The following PLCL1 variants were observed in gnomAD, a reference collection of about 807,000 sequenced individuals.
The protein encoded by PLCL1 is phospholipase C like 1 (inactive).
In PLCL1, 41 loss-of-function variants were observed where a neutral mutation model predicts 84.4. The ratio of observed to expected loss-of-function variants is 0.49; its 90% CI spans 0.38 to 0.63. The LOEUF is 0.63. Ranked by LOEUF, PLCL1 falls within the 30% of genes least tolerant of loss-of-function variation. The pLI is 0.00. For missense variants in PLCL1, 1,206 were observed against 1,367.8 expected (o/e 0.88, Z 1.87); for synonymous variants, 490 against 488.3 (o/e 1.00, Z -0.05).
chr2:198,057,234 T>C (rs961657010), intron 1 of PLCL1, among the ~76,000 whole-genome samples: 1 of 152,112 alleles, frequency 6.6e-6, no homozygotes, highest in Non-Finnish European at 1.5e-5. Flanking sequence ...GAACTTATTT[T>C]ATAATGGAGA....
intron 1 of PLCL1, among the ~76,000 whole-genome samples, chr2:197,960,206 C>A (rs1015938282): frequency 6.6e-6 from 1 of 152,006 alleles, no homozygotes; most frequent in Non-Finnish European, 1.5e-5. Context: ...AAATTGTGAG[C>A]TGCCTTCTTC....
chr2:198,128,568 A>G (rs1694046819), intron 5 of PLCL1, among the ~76,000 whole-genome samples: 1 of 152,130 alleles, frequency 6.6e-6, no homozygotes, highest in South Asian at 2.1e-4. Flanking sequence ...AGATGGGCCA[A>G]TTTCTTGATA....
rs938401540 is a variant in PLCL1 at position 198,084,611 on chromosome 2, A to T, written c.1094A>T (p.Glu365Val). The T allele has an allele frequency of 1.1e-5, 18 of 1,614,072 alleles. No homozygotes were observed. Among genetic ancestry groups the T allele is most frequent in the Non-Finnish European group, 1.4e-5 (17 of 1,179,910 alleles). Residue 365 changes from glutamate to valine, a missense_variant, in exon 2 of 6, where the codon GAG becomes GTG. Transcript: ENST00000428675. Reference sequence around the variant, plus strand: ...ATAAGGAGATACGAACTTTCTGAAGAGGGACGTCAAAAAGGGTTTCTTGCA... The same window carrying T: ...ATAAGGAGATACGAACTTTCTGAAGTGGGACGTCAAAAAGGGTTTCTTGCA... Reference protein sequence around the residue: ...DIIRRYELSEEGRQKGFLAID... With the variant: ...DIIRRYELSEVGRQKGFLAID...
rs55930007 is a variant in PLCL1 at position 198,147,203 on chromosome 2, AGTGTGT to A, written c.*267_*272del. On this transcript the variant is annotated 3_prime_UTR_variant, in exon 6 of 6. Transcript: ENST00000428675. ...ACCCCTGTGTGGATGCCTGTGGAAG[AGTGTGT>A]GTGTGTGTGTGTGTGTGTGTGTGTG... 75 of 187,720 alleles carry A rather than the reference AGTGTGT, an allele frequency of 4.0e-4. 1 individual carries two copies. The highest frequency in any genetic ancestry group is 1.5e-3 in the African/African-American group (64 of 41,400). 11.6% of individuals were successfully genotyped at this position (187,720 alleles called of 1,614,324 possible). A position where few individuals can be genotyped will look rare whatever the true frequency, so the allele number is the denominator to read the frequency against.
At chr2:198,000,738 C>CT (rs1690579358) in intron 1 of PLCL1, among the ~76,000 whole-genome samples, 1 of 142,682 alleles carries the variant, frequency 7.0e-6, no homozygotes, top group African/African-American at 2.5e-5. Context: ...ACTTTATTTC[C>CT]CTTTTTTTTT....
intron 1 of PLCL1, among the ~76,000 whole-genome samples, chr2:198,019,498 A>G (rs1162231267): frequency 6.6e-6 from 1 of 151,754 alleles, no homozygotes; most frequent in East Asian, 2.0e-4. Context: ...ATAAAAGGTT[A>G]GAGGAATTGC....
chr2:198,131,345 C>T (rs974633234), intron 5 of PLCL1, among the ~76,000 whole-genome samples: 12 of 152,282 alleles, frequency 7.9e-5, no homozygotes, highest in Admixed American at 2.0e-4. Context: ...TATCCCTGTA[C>T]GTATTCCCAC....
chr2:197,864,815 T>G (rs1687498431), intron 1 of PLCL1, among the ~76,000 whole-genome samples: 3 of 152,184 alleles, frequency 2.0e-5, no homozygotes, highest in African/African-American at 7.2e-5. Flanking sequence ...CCGGACACAT[T>G]TTTATACAGT....
intron 1 of PLCL1, among the ~76,000 whole-genome samples, chr2:198,066,685 C>G (rs889096107): frequency 9.9e-5 from 15 of 152,144 alleles, no homozygotes; most frequent in Admixed American, 1.3e-4. Flanking sequence ...TTTACAGCCC[C>G]CTGCCACAGC....
chr2:198,094,804 T>A (rs544398061), intron 3 of PLCL1, among the ~76,000 whole-genome samples: 6 of 152,170 alleles, frequency 3.9e-5, no homozygotes, highest in Non-Finnish European at 7.4e-5. Flanking sequence ...AGAATTGCAA[T>A]TTGCTTACGG....
intron 1 of PLCL1, among the ~76,000 whole-genome samples, chr2:197,987,556 T>C (rs1371987930): frequency 2.6e-5 from 4 of 152,200 alleles, no homozygotes; most frequent in Non-Finnish European, 5.9e-5. Flanking sequence ...TAGACTAGGA[T>C]ACTCATTTTG....
chr2:197,936,063 C>T (rs562759433), intron 1 of PLCL1, among the ~76,000 whole-genome samples: 1 of 151,872 alleles, frequency 6.6e-6, no homozygotes, highest in African/African-American at 2.4e-5. Flanking sequence ...CATGTTGTCA[C>T]AAATGACAGG....
In PLCL1 at chr2:198,036,650, C is replaced by T. The variant is rs184244213; in HGVS notation, c.241-47108C>T. Among the ~76,000 whole-genome samples, 124 of 152,032 alleles carry T rather than the reference C, an allele frequency of 8.2e-4. 1 individual carries two copies. Among genetic ancestry groups the T allele is most frequent in the Non-Finnish European group, 7.4e-5 (5 of 67,984 alleles). ...CTAAGCTGATTTGGTCATTCATAGCCCTTAGTGGTTTTTTCCTCCATGGTT... is the reference window on the plus strand; with the variant it reads ...CTAAGCTGATTTGGTCATTCATAGCTCTTAGTGGTTTTTTCCTCCATGGTT... On this transcript the variant is annotated intron_variant, in intron 1 of 5. Transcript: ENST00000428675.
chr2:198,052,392 G>A (rs1433855370), intron 1 of PLCL1, among the ~76,000 whole-genome samples: 1 of 152,100 alleles, frequency 6.6e-6, no homozygotes, highest in African/African-American at 2.4e-5. Flanking sequence ...ACTGTTGTGG[G>A]GTATAATGTA....
chr2:197,860,792 C>A (rs1457392024), intron 1 of PLCL1, among the ~76,000 whole-genome samples: 1 of 152,100 alleles, frequency 6.6e-6, no homozygotes, highest in African/African-American at 2.4e-5. Context: ...GCATAGTTTG[C>A]AAAAATTTTC....
At chr2:197,893,436 A>G (rs550027208) in intron 1 of PLCL1, among the ~76,000 whole-genome samples, 7 of 152,312 alleles carry the variant, frequency 4.6e-5, no homozygotes, top group African/African-American at 1.7e-4. Context: ...AGGGAGCATA[A>G]TACATTCAAG....
At chr2:198,089,741 G>A (rs1018527290) in intron 3 of PLCL1, among the ~76,000 whole-genome samples, 1 of 152,160 alleles carries the variant, frequency 6.6e-6, no homozygotes. Context: ...GAAATAAGGG[G>A]AGAATGGATA....
At chr2:198,108,974 C>A (rs1693554573) in intron 5 of PLCL1, among the ~76,000 whole-genome samples, 1 of 151,886 alleles carries the variant, frequency 6.6e-6, no homozygotes, top group Non-Finnish European at 1.5e-5. Flanking sequence ...GTCCTCACTA[C>A]CTTTTCAAGA....
chr2:197,828,379 A>G (rs887758823), intron 1 of PLCL1, among the ~76,000 whole-genome samples: 31 of 152,254 alleles, frequency 2.0e-4, no homozygotes, highest in African/African-American at 7.0e-4. Flanking sequence ...AAAAAGCACA[A>G]AACATTTTAT....
Sources: gnomAD v4.1 joint callset for allele counts (sites outside exome capture counted in the v4.1 genomes callset) on GRCh38, gnomAD v4.1.1 for gene constraint, MANE v1.5 for transcripts, NCBI Gene and HGNC (gene_info 2026-07-23, HGNC 2026-07-21) for gene names.